Variants in NEURL1B observed in about 807,000 individuals in gnomAD.
The protein encoded by NEURL1B is E3 ubiquitin-protein ligase NEURL1B.
Under a neutral mutation model 37.4 loss-of-function variants are expected in NEURL1B, and 13 were observed. That is an observed-to-expected ratio of 0.35 (90% CI 0.23 to 0.55). The LOEUF is 0.55. Among genes scored for constraint, NEURL1B ranks in the 20% least tolerant of loss-of-function variants. The pLI, the probability that NEURL1B is intolerant of heterozygous loss-of-function variation, is 0.89. For missense variants in NEURL1B, 790 were observed against 879.2 expected (o/e 0.90, Z 1.28); for synonymous variants, 432 against 426.6 (o/e 1.01, Z -0.16).
rs1025131235 is a variant in NEURL1B, at chr5:172,647,029, A to G, written c.31+5592A>G. On this transcript the variant is annotated intron_variant, in intron 1 of 4. Coordinates refer to ENST00000369800, the MANE Select transcript of NEURL1B (RefSeq NM_001142651.3). This position sits in a 1 kb window ranked among gnomAD's most constrained non-coding sequence, Gnocchi z 4.2. ...GGATTTCTCAGCTGCCACACTCCCA[A>G]CCGGGATAATGTGCTGTGTTTGCCA... Among the ~76,000 whole-genome samples the G allele has an allele frequency of 4.6e-5, 7 of 152,252 alleles. No homozygotes were observed. Among genetic ancestry groups the G allele is most frequent in the African/African-American group, 1.2e-4 (5 of 41,548 alleles).
At chr5:172,659,364 G>GA (rs1581425338) in intron 1 of NEURL1B, among the ~76,000 whole-genome samples, 2 of 152,156 alleles carry the variant, frequency 1.3e-5, no homozygotes, top group Non-Finnish European at 2.9e-5. Context: ...ACCCAGGCTG[G>GA]GGGAGTGGCT....
Position 172,676,177 on chromosome 5 carries a change from A to G in NEURL1B, c.577+5847A>G, listed in dbSNP as rs1160016827. Among the ~76,000 whole-genome samples, 1 of 151,874 alleles carries G rather than the reference A, an allele frequency of 6.6e-6. No individual in the cohort carries two copies. Among genetic ancestry groups the G allele is most frequent in the African/African-American group, 2.4e-5 (1 of 41,372 alleles). On this transcript the variant is annotated intron_variant, in intron 2 of 4. Coordinates refer to ENST00000369800, the MANE Select transcript of NEURL1B (RefSeq NM_001142651.3). This position sits in a 1 kb window ranked among gnomAD's most constrained non-coding sequence, Gnocchi z 4.5. ...GGAAAAAAAAAAAAAAAGAGGAAGC[A>G]TTAATGTCTCATGTGGCTGAAAATT... is the stretch of plus-strand genomic sequence containing the variant.
Position 172,675,495 on chromosome 5 carries a change from A to G in NEURL1B, c.577+5165A>G, listed in dbSNP as rs1248539419. ...GGTCCTGGAGTGGGTCCATCCTGAG[A>G]GGCTTAGATTTCTCGAGATGCTCCT... On this transcript the variant is annotated intron_variant, in intron 2 of 4. Coordinates refer to ENST00000369800, the MANE Select transcript of NEURL1B (RefSeq NM_001142651.3). The surrounding 1 kb of genome is among the most constrained non-coding windows in gnomAD (Gnocchi z 4.7). Among the ~76,000 whole-genome samples, 1 of 152,096 alleles carries G rather than the reference A, an allele frequency of 6.6e-6. No individual in the cohort carries two copies. Among genetic ancestry groups the G allele is most frequent in the Non-Finnish European group, 1.5e-5 (1 of 68,026 alleles).
rs891771023 is a variant in NEURL1B at position 172,690,579 on chromosome 5, T to C, written c.*3654T>C. 3 of 152,226 alleles carry C rather than the reference T, an allele frequency of 2.0e-5. No individual in the cohort carries two copies. The highest frequency in any genetic ancestry group is 7.2e-5 in the African/African-American group (3 of 41,428). The allele number at this position is 152,226 out of a possible 1,614,324, so 9.4% of individuals were successfully genotyped here. ...AGCAGAGAGGACTGTGCCCCAGCTG[T>C]GATGCTGGCAGAGGTGACACTAAGA... On this transcript the variant is annotated 3_prime_UTR_variant, in exon 5 of 5. Coordinates refer to ENST00000369800, the MANE Select transcript of NEURL1B (RefSeq NM_001142651.3).
At position 172,676,747 on chromosome 5, in the gene NEURL1B, A is replaced by T. The variant is rs998842065; in HGVS notation, c.577+6417A>T. 7.2e-5 allele frequency among the ~76,000 whole-genome samples: 11 copies of T among 152,232 alleles called. No individual in the cohort carries two copies. The highest frequency in any genetic ancestry group is 2.6e-4 in the Admixed American group (4 of 15,286). On this transcript the variant is annotated intron_variant, in intron 2 of 4. Transcript: ENST00000369800. This position sits in a 1 kb window ranked among gnomAD's most constrained non-coding sequence, Gnocchi z 4.5. ...TAGGCACTTACTCTGTGCCAGGCACAATGCTGAGAGCTTGATGTGGGTCAT... is the reference window on the plus strand; with the variant it reads ...TAGGCACTTACTCTGTGCCAGGCACTATGCTGAGAGCTTGATGTGGGTCAT...
At chr5:172,643,327 T>C (rs1465890960) in intron 1 of NEURL1B, among the ~76,000 whole-genome samples, 1 of 152,204 alleles carries the variant, frequency 6.6e-6, no homozygotes, top group African/African-American at 2.4e-5. Flanking sequence ...GACCTACCAG[T>C]ATGAGTTTCT....
chr5:172,683,436 A>T lies in NEURL1B; in HGVS notation c.595A>T (p.Thr199Ser), dbSNP rs1279570971. The stretch of plus-strand genomic sequence containing the variant: ...CCGCACAGAGAGCGCCTTCGCTGAC[A>T]CGCTGACGCCCGCGCGCCTCAGCCA... ...VQLLESAFADTLTPARLSQAR... is the reference protein window; with the variant it reads ...VQLLESAFADSLTPARLSQAR... Residue 199 changes from threonine (T) to serine (S), a missense_variant, in exon 3 of 5, where the codon ACG (threonine) becomes TCG (serine). By Grantham distance (58) the Thr-to-Ser change is moderately conservative. This residue lies in a region of NEURL1B where 460 missense variants were observed against 407.4 expected (regional missense o/e 1.13). Transcript: ENST00000369800. This position sits in a 1 kb window ranked among gnomAD's most constrained non-coding sequence, Gnocchi z 5.6. 3 of 1,427,074 alleles carry T rather than the reference A, an allele frequency of 2.1e-6. No homozygotes were observed. Among genetic ancestry groups the T allele is most frequent in the Non-Finnish European group, 2.8e-6 (3 of 1,088,934 alleles). 88.4% of individuals were successfully genotyped at this position (1,427,074 alleles called of 1,614,324 possible).
intron 1 of NEURL1B, among the ~76,000 whole-genome samples, chr5:172,666,892 C>T (rs1758023996): frequency 6.6e-6 from 1 of 152,156 alleles, no homozygotes; most frequent in Non-Finnish European, 1.5e-5. Context: ...TGAGCTTGGG[C>T]AGACCCCTCT....
chr5:172,646,029 C>T (rs147071847), intron 1 of NEURL1B, among the ~76,000 whole-genome samples: 209 of 152,226 alleles, frequency 1.4e-3, no homozygotes, highest in African/African-American at 3.9e-3. Flanking sequence ...GTTTCAGTTG[C>T]GCATGCGGGT....
intron 1 of NEURL1B, among the ~76,000 whole-genome samples, chr5:172,653,525 G>T (rs1037007495): frequency 6.6e-6 from 1 of 152,020 alleles, no homozygotes; most frequent in Non-Finnish European, 1.5e-5. Context: ...AGAAAAACCC[G>T]TCATGTTATT....
Position 172,647,219 on chromosome 5 carries a change from G to T in NEURL1B, c.31+5782G>T, listed in dbSNP as rs534886814. On this transcript the variant is annotated intron_variant, in intron 1 of 4. Transcript: ENST00000369800. This position sits in a 1 kb window ranked among gnomAD's most constrained non-coding sequence, Gnocchi z 4.2. ...CTTAAAATAGAAGCCCAGAGGCCAGGTGTGTGGTTAGAGCTTAGAGCAGAG... is the reference window on the plus strand; with the variant it reads ...CTTAAAATAGAAGCCCAGAGGCCAGTTGTGTGGTTAGAGCTTAGAGCAGAG... Among the ~76,000 whole-genome samples the T allele has an allele frequency of 1.3e-5, 2 of 152,288 alleles. No individual in the cohort carries two copies. The highest frequency in any genetic ancestry group is 2.9e-5 in the Non-Finnish European group (2 of 68,000).
chr5:172,645,977 G>T (rs1350052993), intron 1 of NEURL1B, among the ~76,000 whole-genome samples: 1 of 152,208 alleles, frequency 6.6e-6, no homozygotes, highest in African/African-American at 2.4e-5. Context: ...TAAAAATCTG[G>T]TGCATTTATG....
rs202151078 is a variant in NEURL1B, at chr5:172,680,131, ATAAT to A, written c.578-3283_578-3280del. 5.6e-3 allele frequency among the ~76,000 whole-genome samples: 850 copies of A among 152,310 alleles called. 9 individuals carry two copies. The highest frequency in any genetic ancestry group is 0.02 in the African/African-American group (822 of 41,550). On this transcript the variant is annotated intron_variant, in intron 2 of 4. Transcript: ENST00000369800. Reference sequence around the variant, plus strand: ...GAGTGCTCTATACGTTTTTATGATCATAATTAATGTTTTGAGCACTTAGTGCCAT... The same window carrying A: ...GAGTGCTCTATACGTTTTTATGATCATAATGTTTTGAGCACTTAGTGCCAT...
intron 1 of NEURL1B, among the ~76,000 whole-genome samples, chr5:172,667,865 A>T (rs1398719928): frequency 1.8e-5 from 2 of 113,454 alleles, no homozygotes; most frequent in African/African-American, 6.9e-5. Context: ...CCCAGCTCTG[A>T]TCTCATTTCT....
chr5:172,661,093 C>A lies in NEURL1B; in HGVS notation c.32-8692C>A, dbSNP rs1335897153. 6.6e-6 allele frequency among the ~76,000 whole-genome samples: 1 copy of A among 152,208 alleles called. No homozygotes were observed. The highest frequency in any genetic ancestry group is 2.4e-5 in the African/African-American group (1 of 41,446). ...CTAGAGCACAGCCTGCCCCCCTCACCCCAACACACATGAGCACCATGTTGC... is the reference window on the plus strand; with the variant it reads ...CTAGAGCACAGCCTGCCCCCCTCACACCAACACACATGAGCACCATGTTGC... On this transcript the variant is annotated intron_variant, in intron 1 of 4. Transcript: ENST00000369800. This position sits in a 1 kb window ranked among gnomAD's most constrained non-coding sequence, Gnocchi z 4.0.
intron 3 of NEURL1B, 80 bp downstream of exon 3, chr5:172,684,218 G>A (rs1003929216): frequency 1.6e-5 from 18 of 1,106,660 alleles, no homozygotes; most frequent in Non-Finnish European, 2.0e-5. Context: ...CTCTTCCCCG[G>A]CCCCGCCCCT....
Position 172,686,999 on chromosome 5 carries a change from G to C in NEURL1B, c.*74G>C. On this transcript the variant is annotated 3_prime_UTR_variant, in exon 5 of 5. Coordinates refer to ENST00000369800, the MANE Select transcript of NEURL1B (RefSeq NM_001142651.3). The surrounding 1 kb of genome is among the most constrained non-coding windows in gnomAD (Gnocchi z 7.9). The stretch of plus-strand genomic sequence containing the variant: ...GCCCCCTGGGCTGGGCAACCACATG[G>C]CTGCCAGGGAGTCCACGGGCAGCGG... 1.1e-5 allele frequency: 17 copies of C among 1,479,094 alleles called. No homozygotes were observed. Among genetic ancestry groups the C allele is most frequent in the Non-Finnish European group, 1.5e-5 (17 of 1,100,854 alleles). 91.6% of individuals were successfully genotyped at this position (1,479,094 alleles called of 1,614,324 possible).
intron 1 of NEURL1B, among the ~76,000 whole-genome samples, chr5:172,655,023 C>G (rs1253248772): frequency 6.6e-6 from 1 of 151,990 alleles, no homozygotes; most frequent in African/African-American, 2.4e-5. Context: ...TTTCTCTCCT[C>G]TCTCTCTGCT....
chr5:172,673,724 G>A lies in NEURL1B; in HGVS notation c.577+3394G>A, dbSNP rs959508491. 4.7e-5 allele frequency among the ~76,000 whole-genome samples: 7 copies of A among 150,042 alleles called. No individual in the cohort carries two copies. In the South Asian group the frequency reaches 1.3e-3, roughly 27 times the overall value. On this transcript the variant is annotated intron_variant, in intron 2 of 4. Transcript: ENST00000369800. ...AGGAATCCTCCTGCCTCAGCCTCCC[G>A]AGTAGCCAGGACCACAGGCTCATGC...
Sources: gnomAD v4.1 joint callset for allele counts (sites outside exome capture counted in the v4.1 genomes callset) on GRCh38, gnomAD v4.1.1 for gene constraint, gnomAD v4.1.1 regional missense constraint, Gnocchi (gnomAD v3.1) non-coding constraint, MANE v1.5 for transcripts, NCBI Gene and HGNC (gene_info 2026-07-23, HGNC 2026-07-21) for gene names.